MYO10: variants seen among roughly 807,000 people sequenced by gnomAD.
MYO10 encodes unconventional myosin-X.
A neutral mutation model predicts 257.3 loss-of-function variants in MYO10; 133 were observed. That is an observed-to-expected ratio of 0.52 (90% CI 0.45 to 0.60). MYO10 has a LOEUF of 0.60. Among genes scored for constraint, MYO10 ranks in the 20% least tolerant of loss-of-function variants. The pLI, the probability that MYO10 is intolerant of heterozygous loss-of-function variation, is 0.00. For missense variants in MYO10, 2,399 were observed against 2,635.7 expected (o/e 0.91, Z 1.97); for synonymous variants, 1,104 against 1,028.6 (o/e 1.07, Z -1.40).
chr5:16,718,104 C>G (rs1443379793), intron 19 of MYO10, among the ~76,000 whole-genome samples: 1 of 152,234 alleles, frequency 6.6e-6, no homozygotes, highest in Admixed American at 6.5e-5. Flanking sequence ...GGGCCAGTGG[C>G]TGCGGAGGGT....
intron 19 of MYO10, among the ~76,000 whole-genome samples, chr5:16,742,736 AG>A (rs772849956): frequency 2.0e-5 from 3 of 151,552 alleles, no homozygotes; most frequent in Non-Finnish European, 4.4e-5. Flanking sequence ...GCTTGAAAAC[AG>A]GAAGCGGACA....
intron 19 of MYO10, among the ~76,000 whole-genome samples, chr5:16,749,296 G>A (rs984714569): frequency 1.3e-5 from 2 of 151,994 alleles, no homozygotes; most frequent in Admixed American, 6.6e-5. Flanking sequence ...AGACCAGCCT[G>A]GCCAACATGG....
Position 16,905,952 on chromosome 5 carries a change from T to C in MYO10, c.22-28245A>G, listed in dbSNP as rs375855149. ...CTGTTCCCTATCTTCCATGGCAAGTTGAAAAAAAGAAAAAGAGAAAGAAAA... is the reference window on the plus strand; with the variant it reads ...CTGTTCCCTATCTTCCATGGCAAGTCGAAAAAAAGAAAAAGAGAAAGAAAA... On this transcript the variant is annotated intron_variant, in intron 1 of 40. Transcript: ENST00000513610. Among the ~76,000 whole-genome samples, 5 of 151,986 alleles carry C rather than the reference T, an allele frequency of 3.3e-5. No individual in the cohort carries two copies. The South Asian group carries it at 1.0e-3, about 32-fold the overall frequency.
Position 16,670,642 on chromosome 5 carries a change from T to C in MYO10, c.5767A>G (p.Ser1923Gly), listed in dbSNP as rs1736404466. ...AATTTCCTCCACTTGTCAATGATAC[T>C]GGCTCGAGCAGAGGAGACTTCTTCC... ...IKEEVSSARA[S>G]IIDKWRKFQG... The change falls in exon 39 of 41, where the codon AGT (serine) becomes GGT (glycine). Residue 1923 changes from serine (S) to glycine (G), a missense_variant. Physicochemically the swap from Ser to Gly is moderately conservative, Grantham distance 56. Around this residue, in one of 3 missense-constraint regions of MYO10, gnomAD observed 1,820 missense variants for 1,939.4 expected, o/e 0.94. Transcript: ENST00000513610. 1 of 1,613,922 alleles carries C rather than the reference T, an allele frequency of 6.2e-7. No homozygotes were observed. The highest frequency in any genetic ancestry group is 1.7e-5 in the Admixed American group (1 of 59,994).
intron 2 of MYO10, among the ~76,000 whole-genome samples, chr5:16,822,561 T>G (rs1742852683): frequency 6.6e-6 from 1 of 152,166 alleles, no homozygotes; most frequent in Non-Finnish European, 1.5e-5. Context: ...GGATTAATAT[T>G]AAAGGAGAAA....
chr5:16,779,293 C>T (rs1257673728), intron 9 of MYO10, among the ~76,000 whole-genome samples: 1 of 152,138 alleles, frequency 6.6e-6, no homozygotes, highest in Non-Finnish European at 1.5e-5. Flanking sequence ...CCCAAGTAAA[C>T]TGCCCATCTG....
chr5:16,816,679 C>A (rs1482063396), intron 3 of MYO10, among the ~76,000 whole-genome samples: 1 of 147,144 alleles, frequency 6.8e-6, no homozygotes, highest in Non-Finnish European at 1.5e-5. Context: ...TACAGGCACA[C>A]GCCACCACGC....
chr5:16,750,856 G>A (rs971836527), intron 19 of MYO10, among the ~76,000 whole-genome samples: 9 of 152,072 alleles, frequency 5.9e-5, no homozygotes, highest in East Asian at 1.9e-4. Context: ...TTAGCAGGGC[G>A]TGGTGGTGCA....
chr5:16,882,272 G>C (rs1461970618), intron 1 of MYO10, among the ~76,000 whole-genome samples: 1 of 152,124 alleles, frequency 6.6e-6, no homozygotes, highest in Non-Finnish European at 1.5e-5. Flanking sequence ...TAATAAAAGG[G>C]GCTGACTTTA....
chr5:16,681,677 A>T (rs1737009016), intron 31 of MYO10, among the ~76,000 whole-genome samples, 174 bp from the exon 32 acceptor site: 1 of 152,202 alleles, frequency 6.6e-6, no homozygotes, highest in Non-Finnish European at 1.5e-5. Flanking sequence ...AAAAGCCCAA[A>T]ATCACAACTA....
rs144820921 is a variant in MYO10 at position 16,891,478 on chromosome 5, G to A, written c.22-13771C>T. On this transcript the variant is annotated intron_variant, in intron 1 of 40. Coordinates refer to ENST00000513610, the MANE Select transcript of MYO10 (RefSeq NM_012334.3). ...GGGGCTGGGAGGAGGGGAGAATGGA[G>A]AGTGGCTGCTAACAGGTACGGAGTT... 1.2e-4 allele frequency among the ~76,000 whole-genome samples: 18 copies of A among 152,210 alleles called. No individual in the cohort carries two copies. The East Asian group carries it at 3.5e-3, about 29-fold the overall frequency.
intron 19 of MYO10, among the ~76,000 whole-genome samples, chr5:16,753,451 G>A (rs919687941): frequency 6.8e-6 from 1 of 148,034 alleles, no homozygotes; most frequent in East Asian, 2.0e-4. Flanking sequence ...ACAGGCGTGA[G>A]CCACCGTGCC....
chr5:16,796,926 A>G (rs1300311823), intron 3 of MYO10, among the ~76,000 whole-genome samples: 1 of 152,178 alleles, frequency 6.6e-6, no homozygotes. Flanking sequence ...TAGAAGAGGA[A>G]ATTTGAACAC....
chr5:16,763,394 T>G, intron 14 of MYO10, 87 bp downstream of exon 14: 4 of 1,004,340 alleles, frequency 4.0e-6, no homozygotes, highest in Non-Finnish European at 6.3e-6. Context: ...GATGTGCGTG[T>G]TCGTGCACGT....
intron 1 of MYO10, among the ~76,000 whole-genome samples, chr5:16,899,207 T>C (rs542477175): frequency 1.1e-4 from 17 of 152,022 alleles, no homozygotes; most frequent in Non-Finnish European, 1.9e-4. Context: ...TTCATTATGT[T>C]TGCTTTTCCT....
At chr5:16,877,023 G>T (rs1382277998) in intron 2 of MYO10, among the ~76,000 whole-genome samples, 2 of 152,118 alleles carry the variant, frequency 1.3e-5, no homozygotes, top group Non-Finnish European at 2.9e-5. Context: ...CTTCTACAAT[G>T]TGAGGCCCAG....
At chr5:16,771,376 T>C (rs1432404995) in intron 9 of MYO10, among the ~76,000 whole-genome samples, 2 of 151,912 alleles carry the variant, frequency 1.3e-5, no homozygotes, top group East Asian at 3.9e-4. Context: ...AACATGATTA[T>C]CTGACAGAAT....
intron 19 of MYO10, among the ~76,000 whole-genome samples, chr5:16,744,877 G>A (rs528484985): frequency 6.6e-6 from 1 of 152,038 alleles, no homozygotes; most frequent in Non-Finnish European, 1.5e-5. Context: ...ATAAAATTAT[G>A]CTCAGAGGCT....
At chr5:16,713,204 C>T (rs1738699361) in intron 19 of MYO10, 8 of 590,200 alleles carry the variant, frequency 1.4e-5, no homozygotes, top group Non-Finnish European at 1.7e-5. Flanking sequence ...GTTCCTGATC[C>T]CCTCTTTTCT....
Sources: allele counts gnomAD v4.1 joint callset (sites outside exome capture counted in the v4.1 genomes callset), GRCh38; gene constraint gnomAD v4.1.1; regional missense constraint gnomAD v4.1.1; transcripts MANE v1.5; gene names NCBI Gene and HGNC (gene_info 2026-07-23, HGNC 2026-07-21).